KIF26B: variants seen among roughly 807,000 people sequenced by gnomAD.
KIF26B encodes the protein kinesin-like protein KIF26B.
In KIF26B, 63 loss-of-function variants were observed where a neutral mutation model predicts 151.2. That is an observed-to-expected ratio of 0.42 (90% CI 0.34 to 0.51). The LOEUF (loss-of-function observed/expected upper bound fraction) is 0.51. Among genes scored for constraint, KIF26B ranks in the 20% least tolerant of loss-of-function variants. The pLI is 0.07. For synonymous variants in KIF26B, 1,357 were observed against 1,262.1 expected (o/e 1.08, Z -1.59); for missense variants, 2,813 against 2,913.6 (o/e 0.97, Z 0.79).
At chr1:245,261,306 T>C (rs1332003081) in intron 2 of KIF26B, among the ~76,000 whole-genome samples, 1 of 151,992 alleles carries the variant, frequency 6.6e-6, no homozygotes, top group East Asian at 1.9e-4. Context: ...TAATTTTGTA[T>C]TTTTAGTAGA....
chr1:245,403,148 T>A (rs1186446), intron 3 of KIF26B, among the ~76,000 whole-genome samples: 62,301 of 151,502 alleles, frequency 0.41, 14,941 homozygotes, highest in South Asian at 0.63. Context: ...TTTAAAAAAA[T>A]TTTTTGTAGA....
At chr1:245,694,366 T>C (rs1036561061) in intron 12 of KIF26B, among the ~76,000 whole-genome samples, 3 of 152,230 alleles carry the variant, frequency 2.0e-5, no homozygotes, top group Non-Finnish European at 4.4e-5. Flanking sequence ...TCCTAGTGCC[T>C]ACTCTTTGAA....
At chr1:245,363,576 T>C (rs780050887) in intron 2 of KIF26B, among the ~76,000 whole-genome samples, 3 of 152,242 alleles carry the variant, frequency 2.0e-5, no homozygotes, top group African/African-American at 4.8e-5. Flanking sequence ...CAGAAAGCTA[T>C]GGCTGTTGAC....
intron 2 of KIF26B, among the ~76,000 whole-genome samples, chr1:245,327,228 C>G (rs2102989633): frequency 6.6e-6 from 1 of 152,282 alleles, no homozygotes; most frequent in Non-Finnish European, 1.5e-5. Flanking sequence ...GTGATTCAGT[C>G]TCTGGTTAGG....
intron 2 of KIF26B, among the ~76,000 whole-genome samples, chr1:245,204,911 G>A (rs1669370644): frequency 6.6e-6 from 1 of 152,056 alleles, no homozygotes; most frequent in South Asian, 2.1e-4. Context: ...CTCCCAAGTA[G>A]CTGGGACCTC....
intron 12 of KIF26B, among the ~76,000 whole-genome samples, chr1:245,692,099 T>C (rs1318287913): frequency 6.6e-6 from 1 of 152,206 alleles, no homozygotes; most frequent in Non-Finnish European, 1.5e-5. Context: ...TAAATAATGT[T>C]ATGGTCATGT....
intron 2 of KIF26B, among the ~76,000 whole-genome samples, chr1:245,366,245 T>G (rs768156851): frequency 6.6e-6 from 1 of 152,130 alleles, no homozygotes; most frequent in Admixed American, 6.6e-5. Context: ...AGAATAAGAA[T>G]GTTCTTGCCA....
chr1:245,424,483 T>TCC (rs1658574646), intron 4 of KIF26B, among the ~76,000 whole-genome samples: 3 of 152,234 alleles, frequency 2.0e-5, no homozygotes, highest in Non-Finnish European at 4.4e-5. Flanking sequence ...TTGAAATATG[T>TCC]ACATATTGTG....
intron 3 of KIF26B, among the ~76,000 whole-genome samples, chr1:245,378,155 G>A (rs951374223): frequency 3.3e-5 from 5 of 152,196 alleles, no homozygotes; most frequent in East Asian, 1.9e-4. Context: ...CTTCTCTACC[G>A]ATCAAGCTGA....
chr1:245,340,312 A>G (rs1483723270), intron 2 of KIF26B, among the ~76,000 whole-genome samples: 1 of 152,202 alleles, frequency 6.6e-6, no homozygotes, highest in Non-Finnish European at 1.5e-5. Context: ...TATAAATGCT[A>G]TATAAATAGT....
At chr1:245,615,552 G>T (rs1572159881) in intron 9 of KIF26B, among the ~76,000 whole-genome samples, 2 of 152,154 alleles carry the variant, frequency 1.3e-5, no homozygotes, top group South Asian at 2.1e-4. Context: ...AAGGAATCCT[G>T]CACCCTTATT....
chr1:245,504,098 G>A (rs1435634451), intron 4 of KIF26B, among the ~76,000 whole-genome samples: 1 of 152,178 alleles, frequency 6.6e-6, no homozygotes, highest in Non-Finnish European at 1.5e-5. Context: ...CACTTCTGGA[G>A]TAGAGTGGGT....
chr1:245,250,698 T>C (rs1355662331), intron 2 of KIF26B, among the ~76,000 whole-genome samples: 1 of 152,256 alleles, frequency 6.6e-6, no homozygotes, highest in African/African-American at 2.4e-5. Context: ...TTTCATAGTT[T>C]TATTGACCAT....
At chr1:245,213,869 T>C (rs1202073985) in intron 2 of KIF26B, among the ~76,000 whole-genome samples, 1 of 152,216 alleles carries the variant, frequency 6.6e-6, no homozygotes, top group Non-Finnish European at 1.5e-5. Context: ...GGATAGTCGT[T>C]GTACCTGGAA....
chr1:245,518,516 A>AGTC (rs1188394718), intron 4 of KIF26B, among the ~76,000 whole-genome samples: 6 of 152,232 alleles, frequency 3.9e-5, no homozygotes, highest in Non-Finnish European at 8.8e-5. Flanking sequence ...AAAAGTCCTA[A>AGTC]GTCGTCCCTT....
chr1:245,343,652 C>T (rs567699848), intron 2 of KIF26B, among the ~76,000 whole-genome samples: 21 of 152,192 alleles, frequency 1.4e-4, no homozygotes, highest in African/African-American at 4.3e-4. Context: ...TCGTGCCAGC[C>T]GCAAAACCCA....
intron 8 of KIF26B, among the ~76,000 whole-genome samples, chr1:245,610,081 A>C (rs1259092330): frequency 6.6e-6 from 1 of 152,198 alleles, no homozygotes; most frequent in African/African-American, 2.4e-5. Flanking sequence ...GCTGTTTGAC[A>C]ACAGATGTAG....
chr1:245,593,346 G>A (rs561461983), intron 5 of KIF26B, among the ~76,000 whole-genome samples: 47 of 151,516 alleles, frequency 3.1e-4, no homozygotes, highest in Middle Eastern at 3.4e-3. Flanking sequence ...AACAGGCCCC[G>A]GTGTATGATG....
rs1161128497 is a variant in KIF26B at position 245,167,725 on chromosome 1, T to G, written c.465+11042T>G. ...AACTTTGCACAGCAGGGAGTCTCAG[T>G]CCTAAGCAGGTGGCAGAGTGTCTTC... On this transcript the variant is annotated intron_variant, in intron 2 of 14. Coordinates refer to ENST00000407071, the MANE Select transcript of KIF26B (RefSeq NM_018012.4). The surrounding 1 kb of genome is among the most constrained non-coding windows in gnomAD (Gnocchi z 4.2). Among the ~76,000 whole-genome samples the G allele has an allele frequency of 6.6e-6, 1 of 151,998 alleles. No homozygotes were observed. The highest frequency in any genetic ancestry group is 1.5e-5 in the Non-Finnish European group (1 of 68,002).
Sources: allele counts gnomAD v4.1 joint callset (sites outside exome capture counted in the v4.1 genomes callset), GRCh38; gene constraint gnomAD v4.1.1; non-coding constraint Gnocchi (gnomAD v3.1); transcripts MANE v1.5; gene names NCBI Gene and HGNC (gene_info 2026-07-23, HGNC 2026-07-21).